REC8: variants seen among roughly 807,000 people sequenced by gnomAD.
REC8 encodes the protein meiotic recombination protein REC8 homolog.
REC8 carries 42 observed loss-of-function variants against 78.3 expected under a neutral mutation model. That is an observed-to-expected ratio of 0.54 (90% confidence interval 0.42 to 0.69). REC8 has a LOEUF of 0.69. REC8 is among the 30% of genes least tolerant of loss of function. REC8 has a pLI of 0.00. For synonymous variants in REC8, 268 were observed against 274.1 expected, an observed-to-expected ratio of 0.98 and a Z score of 0.22; for missense variants, 581 against 715.8, an observed-to-expected ratio of 0.81 and a Z score of 2.15.
At chr14:24,175,438 G>A in intron 5 of REC8, 105 bp from the exon 6 acceptor site, 2 of 857,580 alleles carry the variant, frequency 2.3e-6, no homozygotes, top group Non-Finnish European at 3.9e-6. Flanking sequence ...ACAAGAATTA[G>A]GCATAAAAGG....
chr14:24,177,894 C>T, intron 11 of REC8, 136 bp downstream of exon 11: 10 of 1,473,998 alleles, frequency 6.8e-6, no homozygotes, highest in Non-Finnish European at 9.0e-6. Context: ...CTTTCTACGC[C>T]CCATCGTATC....
chr14:24,176,638 C>T (rs1416475576), intron 6 of REC8, among the ~76,000 whole-genome samples, 184 bp from the exon 7 acceptor site: 1 of 152,108 alleles, frequency 6.6e-6, no homozygotes, highest in Non-Finnish European at 1.5e-5. Flanking sequence ...CCCCACTTTA[C>T]CGATGAGGAA....
rs1040617224 is a variant in REC8 at position 24,172,978 on chromosome 14, C to G, written c.205C>G (p.Leu69Val). 8.7e-6 allele frequency: 14 copies of G among 1,609,442 alleles called. No homozygotes were observed. The highest frequency in any genetic ancestry group is 1.1e-5 in the Non-Finnish European group (13 of 1,180,020). ...GCCGCGGCCCCGCTTCTCCCTCTAT[C>G]TCTCAGCCCAACTTCAGATCGGTGT... is the stretch of plus-strand genomic sequence containing the variant. ...GLPRPRFSLY[L>V]SAQLQIGVIR... Residue 69 changes from leucine (L) to valine (V), a missense_variant, in exon 3 of 19, where the codon CTC (leucine) becomes GTC (valine). Transcript: ENST00000611366.
In REC8 at chr14:24,176,821, G is replaced by A; in HGVS notation, c.545-1G>A. 1.2e-6 allele frequency: 2 copies of A among 1,612,472 alleles called. No individual in the cohort carries two copies. The highest frequency in any genetic ancestry group is 1.7e-6 in the Non-Finnish European group (2 of 1,179,030). On this transcript the variant is annotated splice_acceptor_variant, in intron 6 of 18. Transcript: ENST00000611366. LOFTEE classifies it high-confidence loss of function. Reference sequence around the variant, plus strand: ...GGCTAGTGACTCTCTTGTCCCTCCAGAGAGGATTCCGGTCACTGTGCTGCC... The same window carrying A: ...GGCTAGTGACTCTCTTGTCCCTCCAAAGAGGATTCCGGTCACTGTGCTGCC...
chr14:24,179,969 A>G (rs762210672), intron 18 of REC8, 41 bp from the exon 19 acceptor site: 8 of 1,614,084 alleles, frequency 5.0e-6, no homozygotes, highest in Non-Finnish European at 5.9e-6. Flanking sequence ...AGGCCCGTAC[A>G]GGGACTCCCC....
Position 24,173,352 on chromosome 14 carries a change from C to T in REC8, c.403C>T (p.Pro135Ser), listed in dbSNP as rs2038751375. Residue 135 changes from proline (P) to serine (S), a missense_variant, in exon 5 of 19, where the codon CCC becomes TCC. Transcript: ENST00000611366. Reference sequence around the variant, plus strand: ...GGAGACCCTAGAAGATGCTCCAGATCCCTTTTTTGGGATGATGTCTGTGGA... The same window carrying T: ...GGAGACCCTAGAAGATGCTCCAGATTCCTTTTTTGGGATGATGTCTGTGGA... ...MMETLEDAPDPFFGMMSVDPR... is the reference protein window; with the variant it reads ...MMETLEDAPDSFFGMMSVDPR... The T allele has an allele frequency of 1.2e-6, 2 of 1,614,212 alleles. No individual in the cohort carries two copies. The highest frequency in any genetic ancestry group is 8.5e-7 in the Non-Finnish European group (1 of 1,180,034).
intron 11 of REC8, 21 bp from the exon 12 acceptor site, chr14:24,178,070 C>A: frequency 6.2e-7 from 1 of 1,607,788 alleles, no homozygotes; most frequent in Non-Finnish European, 8.5e-7. Flanking sequence ...CTTGCCCCTA[C>A]CTGCCCTCCC....
At position 24,178,547 on chromosome 14, in the gene REC8, A is replaced by AG. The variant is rs1441510818; in HGVS notation, c.997-55dup. 3.2e-6 allele frequency: 5 copies of AG among 1,556,676 alleles called. No homozygotes were observed. The African/African-American group carries it at 5.5e-5, about 17-fold the overall frequency. On this transcript the variant is annotated intron_variant, in intron 12 of 18. Transcript: ENST00000611366. ...AGAACAGTGCATTGCAAAGAGGCAAAGGGGCCCTGAGGAGTGGCTGCTTTA... is the reference window on the plus strand; with the variant it reads ...AGAACAGTGCATTGCAAAGAGGCAAAGGGGGCCCTGAGGAGTGGCTGCTTTA...
At position 24,172,551 on chromosome 14, in the gene REC8, C is replaced by A; in HGVS notation, c.-2C>A. On this transcript the variant is annotated 5_prime_UTR_variant, in exon 1 of 19. Coordinates refer to ENST00000611366, the MANE Select transcript of REC8 (RefSeq NM_001048205.2). ...AATCGAGGGTGAAAGACCAGAGGGA[C>A]AATGTTCTACTATCCCAACGTGCTT... 6.2e-7 allele frequency: 1 copy of A among 1,611,166 alleles called. No homozygotes were observed. The highest frequency in any genetic ancestry group is 8.5e-7 in the Non-Finnish European group (1 of 1,177,808).
chr14:24,179,751 G>A (rs2138800590), intron 17 of REC8, 25 bp downstream of exon 17: 1 of 1,614,178 alleles, frequency 6.2e-7, no homozygotes, highest in African/African-American at 1.3e-5. Flanking sequence ...GCACCTTGAT[G>A]GGGTGGACCC....
chr14:24,178,183 C>T lies in REC8; in HGVS notation c.957C>T (p.Phe319=). The T allele has an allele frequency of 6.2e-7, 1 of 1,614,050 alleles. No individual in the cohort carries two copies. The highest frequency in any genetic ancestry group is 1.1e-5 in the South Asian group (1 of 91,088). Residue 319 remains phenylalanine (F), a synonymous_variant, in exon 12 of 19, where the codon TTC becomes TTT. Coordinates refer to ENST00000611366, the MANE Select transcript of REC8 (RefSeq NM_001048205.2). Reference sequence around the variant, plus strand: ...AGACTCAGATCTCCCCGGAGAAATTCCAGGAACAACTGCAAACCAGAGCCC... The same window carrying T: ...AGACTCAGATCTCCCCGGAGAAATTTCAGGAACAACTGCAAACCAGAGCCC... ...DKETQISPEK[F]QEQLQTRAHC... is the part of the protein sequence containing the mutation.
Position 24,178,656 on chromosome 14 carries a change from C to G in REC8, c.1047C>G (p.Phe349Leu), listed in dbSNP as rs1387760460. ...ERTIRGPAEL[F>L]RTPTLSGWLP... ...CCATCAGAGGCCCTGCGGAGTTGTT[C>G]AGAACCCCAACTCTCTGTAAGAATG... Residue 349 changes from phenylalanine (F) to leucine (L), a missense_variant, in exon 13 of 19, where the codon TTC becomes TTG. By Grantham distance (22) the Phe-to-Leu change is conservative. Coordinates refer to ENST00000611366, the MANE Select transcript of REC8 (RefSeq NM_001048205.2). The G allele has an allele frequency of 6.2e-7, 1 of 1,614,082 alleles. No homozygotes were observed.
Position 24,177,199 on chromosome 14 carries a change from A to T in REC8, c.683A>T (p.Glu228Val). The change falls in exon 8 of 19, where the codon GAA (glutamate) becomes GTA (valine). Residue 228 changes from glutamate (E) to valine (V), a missense_variant. Glu to Val is a moderately radical substitution (Grantham distance 121). Transcript: ENST00000611366. ...GAACTGGACCTGCTGATCGCAGAGG[A>T]AGAAGAAGCTATCTTGTTAGAAAGT... ...RRELDLLIAE[E>V]EEAILLEIPR... 1 of 1,565,020 alleles carries T rather than the reference A, an allele frequency of 6.4e-7. No individual in the cohort carries two copies. The highest frequency in any genetic ancestry group is 8.8e-7 in the Non-Finnish European group (1 of 1,136,940).
At position 24,173,006 on chromosome 14, in the gene REC8, T is replaced by C. The variant is rs552447292; in HGVS notation, c.233T>C (p.Ile78Thr). ...YLSAQLQIGV[I>T]RVYSQQCQYL... ...TCAGCCCAACTTCAGATCGGTGTGA[T>C]CCGCGTCTATTCTCAACAATGCCAG... The change falls in exon 3 of 19, where the codon ATC (isoleucine) becomes ACC (threonine). Residue 78 changes from isoleucine to threonine, a missense_variant. Ile to Thr is a moderately conservative substitution (Grantham distance 89). Coordinates refer to ENST00000611366, the MANE Select transcript of REC8 (RefSeq NM_001048205.2). The C allele has an allele frequency of 6.2e-7, 1 of 1,608,406 alleles. No homozygotes were observed. Among genetic ancestry groups the C allele is most frequent in the East Asian group, 2.2e-5 (1 of 44,886 alleles).
downstream of REC8, chr14:24,180,646 T>C: frequency 6.2e-7 from 1 of 1,612,996 alleles, no homozygotes; most frequent in Non-Finnish European, 8.5e-7. Flanking sequence ...GCCCTGCCAC[T>C]CCCAGCCTCC....
At chr14:24,173,566 C>T (rs562023793) in intron 5 of REC8, among the ~76,000 whole-genome samples, 155 bp downstream of exon 5, 6 of 152,310 alleles carry the variant, frequency 3.9e-5, no homozygotes, top group South Asian at 4.1e-4. Context: ...CCCATCCAGG[C>T]GAAGCCCCCT....
intron 15 of REC8, 25 bp downstream of exon 15, chr14:24,179,158 G>A: frequency 1.3e-6 from 2 of 1,550,484 alleles, no homozygotes; most frequent in Non-Finnish European, 8.8e-7. Context: ...AAGAGGCGCA[G>A]TGGGACCACA....
rs975488231 is a variant in REC8, at chr14:24,177,336, T to C, written c.707-17T>C. ...TTCTCTTTTTCTGTCCTCTGAACTC[T>C]GATTCTCTCTCCACAGTCCCGCGGC... On this transcript the variant is annotated splice_polypyrimidine_tract_variant and intron_variant, in intron 8 of 18. Coordinates refer to ENST00000611366, the MANE Select transcript of REC8 (RefSeq NM_001048205.2). 1.2e-6 allele frequency: 2 copies of C among 1,614,212 alleles called. No homozygotes were observed. The highest frequency in any genetic ancestry group is 2.2e-5 in the East Asian group (1 of 44,888).
chr14:24,179,312 T>C, intron 15 of REC8, 85 bp from the exon 16 acceptor site: 2 of 1,440,320 alleles, frequency 1.4e-6, no homozygotes. Flanking sequence ...ACCGCACGGC[T>C]CTGCCATCTA....
Sources: allele counts gnomAD v4.1 joint callset (sites outside exome capture counted in the v4.1 genomes callset), GRCh38; gene constraint gnomAD v4.1.1; transcripts MANE v1.5; gene names NCBI Gene and HGNC (gene_info 2026-07-23, HGNC 2026-07-21).